ARHGAP11B: variants seen among roughly 807,000 people sequenced by gnomAD.
ARHGAP11B encodes Rho GTPase activating protein 11B.
A neutral mutation model predicts 27.6 loss-of-function variants in ARHGAP11B; 14 were observed. That is an observed-to-expected ratio of 0.51 (90% CI 0.34 to 0.79). ARHGAP11B has a LOEUF of 0.79. Ranked by LOEUF, ARHGAP11B falls within the 30% of genes least tolerant of loss-of-function variation. The pLI, the probability that ARHGAP11B is intolerant of heterozygous loss-of-function variation, is 0.02. For missense variants in ARHGAP11B, 245 were observed against 320.1 expected, an observed-to-expected ratio of 0.77 and a Z score of 1.79; for synonymous variants, 82 against 114.1, an observed-to-expected ratio of 0.72 and a Z score of 1.80.
At chr15:30,646,953 G>C (rs929751789) in intron 9 of ARHGAP11B, among the ~76,000 whole-genome samples, 1 of 151,930 alleles carries the variant, frequency 6.6e-6, no homozygotes, top group Non-Finnish European at 1.5e-5. Context: ...TGGGCAAAAA[G>C]AGCGAAACTC....
In ARHGAP11B at chr15:30,643,702, T is replaced by C. The variant is rs2648145; in HGVS notation, c.*79-937T>C. Among the ~76,000 whole-genome samples the C allele has an allele frequency of 4.6e-5, 7 of 152,054 alleles. 1 individual carries two copies. Among genetic ancestry groups the C allele is most frequent in the South Asian group, 2.1e-4 (1 of 4,828 alleles). On this transcript the variant is annotated intron_variant, in intron 7 of 10. Coordinates refer to ENST00000428041, the Ensembl canonical transcript of ARHGAP11B. ...AGGTTTGTCTAAGGGTTTCTCATGA[T>C]TAGAATGAGATTATGAATTTGGATT...
intron 1 of ARHGAP11B, among the ~76,000 whole-genome samples, chr15:30,629,553 A>C (rs2060231494): frequency 6.6e-6 from 1 of 151,874 alleles, no homozygotes; most frequent in Admixed American, 6.6e-5. Context: ...ACTCCGTCTC[A>C]AAAAAAATAC....
intron 1 of ARHGAP11B, among the ~76,000 whole-genome samples, chr15:30,629,924 C>A (rs1035572819): frequency 3.9e-5 from 6 of 152,026 alleles, no homozygotes; most frequent in African/African-American, 1.4e-4. Flanking sequence ...CTGTGGAAAG[C>A]GACACATTTT....
Position 30,635,474 on chromosome 15 carries a change from C to T in ARHGAP11B, c.661-13C>T. 3 of 1,611,232 alleles carry T rather than the reference C, an allele frequency of 1.9e-6. No individual in the cohort carries two copies. The South Asian group carries it at 3.3e-5, about 18-fold the overall frequency. ...GGATAATAATTGTCTTACTTGTGAACATTTTCATTTAGGGCGTGTACCAGA... is the reference window on the plus strand; with the variant it reads ...GGATAATAATTGTCTTACTTGTGAATATTTTCATTTAGGGCGTGTACCAGA... On this transcript the variant is annotated splice_polypyrimidine_tract_variant and intron_variant, in intron 5 of 10. Coordinates refer to ENST00000428041, the Ensembl canonical transcript of ARHGAP11B.
rs928301105 is a variant in ARHGAP11B at position 30,636,297 on chromosome 15, G to A, written c.*3+664G>A. Among the ~76,000 whole-genome samples the A allele has an allele frequency of 4.6e-5, 7 of 151,980 alleles. 1 individual carries two copies. The highest frequency in any genetic ancestry group is 1.2e-4 in the African/African-American group (5 of 41,396). On this transcript the variant is annotated intron_variant, in intron 6 of 10. Transcript: ENST00000428041. ...ATTGTTTGAACTTGTTAGTGACATGGATTAGTTAGTTAGGAGTACGAACTA... is the reference window on the plus strand; with the variant it reads ...ATTGTTTGAACTTGTTAGTGACATGAATTAGTTAGTTAGGAGTACGAACTA...
intron 8 of ARHGAP11B, chr15:30,644,708 A>C: frequency 6.4e-7 from 1 of 1,555,044 alleles, no homozygotes; most frequent in Non-Finnish European, 8.8e-7. Context: ...TTCAGGTAGG[A>C]TCATAAAGGA....
exon 4 of ARHGAP11B, chr15:30,634,419 C>T (rs1314022098): frequency 6.2e-7 from 1 of 1,607,368 alleles, no homozygotes; most frequent in Non-Finnish European, 8.5e-7. Context: ...GAATGTTTCT[C>T]TTAGGTAAGT....
At chr15:30,639,109 T>C (rs2140902784) in intron 7 of ARHGAP11B, among the ~76,000 whole-genome samples, 1 of 152,200 alleles carries the variant, frequency 6.6e-6, no homozygotes, top group Non-Finnish European at 1.5e-5. Context: ...CGTGTGAAAA[T>C]AGTTCAACCT....
Position 30,629,508 on chromosome 15 carries a change from G to A in ARHGAP11B, c.130-1195G>A, listed in dbSNP as rs1447384731. Among the ~76,000 whole-genome samples, 6 of 152,162 alleles carry A rather than the reference G, an allele frequency of 3.9e-5. No homozygotes were observed. The East Asian group carries it at 1.2e-3, about 30-fold the overall frequency. ...GCGGAGCTTGCAGTGAGCCGAGATT[G>A]TGCCACTGCACTCCAGCCTGGGCCA... On this transcript the variant is annotated intron_variant, in intron 1 of 10. Transcript: ENST00000428041.
chr15:30,626,994 C>T (rs766049688), intron 1 of ARHGAP11B, 45 bp downstream of exon 1: 12 of 1,608,964 alleles, frequency 7.5e-6, no homozygotes, highest in Admixed American at 3.4e-5. Flanking sequence ...AAAGGGCACA[C>T]CCTTTATCAT....
At chr15:30,641,284 T>C (rs547679585) in intron 7 of ARHGAP11B, among the ~76,000 whole-genome samples, 6 of 151,942 alleles carry the variant, frequency 3.9e-5, no homozygotes, top group Non-Finnish European at 7.4e-5. Context: ...CTTTTAAAAA[T>C]ATATAAAGAC....
At position 30,634,262 on chromosome 15, in the gene ARHGAP11B, G is replaced by A. The variant is rs751142575; in HGVS notation, c.390G>A (p.Glu130=). ...AGCAGTTTTTTAGGGAACTGCCAGA[G>A]CCCATTCTCCCAGCTGATTTGCATG... The change falls in exon 4 of 11, where the codon GAG becomes GAA. Residue 130 remains glutamate, a synonymous_variant. Transcript: ENST00000428041. The A allele has an allele frequency of 1.6e-5, 25 of 1,612,740 alleles. 1 individual carries two copies. The East Asian group carries it at 5.4e-4, about 35-fold the overall frequency.
rs1006544613 is a variant in ARHGAP11B at position 30,646,288 on chromosome 15, C to T, written c.*317C>T. 6 of 942,058 alleles carry T rather than the reference C, an allele frequency of 6.4e-6. No homozygotes were observed. In the Admixed American group the frequency reaches 2.0e-4, roughly 31 times the overall value. The allele number at this position is 942,058 out of a possible 1,614,324, so 58.4% of individuals were successfully genotyped here. Reference sequence around the variant, plus strand: ...GAGGTGGCCACCAGGCTTCTCCTTTCCCCGCTGGTAGGCCTCTGTGACATG... The same window carrying T: ...GAGGTGGCCACCAGGCTTCTCCTTTTCCCGCTGGTAGGCCTCTGTGACATG... On this transcript the variant is annotated 3_prime_UTR_variant, in exon 9 of 11. Transcript: ENST00000428041.
At chr15:30,631,368 T>TAAA (rs1361847333) in intron 2 of ARHGAP11B, among the ~76,000 whole-genome samples, 1 of 151,960 alleles carries the variant, frequency 6.6e-6, no homozygotes, top group Non-Finnish European at 1.5e-5. Context: ...TTTTGTTTGT[T>TAAA]AAAAAAATAT....
rs144751048 is a variant in ARHGAP11B at position 30,626,888 on chromosome 15, T to A, written c.68T>A (p.Val23Glu). 1.8e-4 allele frequency: 291 copies of A among 1,613,168 alleles called. 1 individual carries two copies. The African/African-American group carries it at 3.4e-3, about 19-fold the overall frequency. ...CTGCGGGCCTTCTATGGTATTAAGG[T>A]GAAGGGTGTCCGTGGGCAGTGCGAT... Residue 23 changes from valine to glutamate, a missense_variant, in exon 1 of 11, where the codon GTG (valine) becomes GAG (glutamate). Transcript: ENST00000428041.
intron 7 of ARHGAP11B, among the ~76,000 whole-genome samples, chr15:30,639,758 A>G (rs1052172827): frequency 3.9e-5 from 6 of 152,042 alleles, no homozygotes; most frequent in African/African-American, 1.4e-4. Context: ...TTGCCAAGTA[A>G]TCTCTTCAAT....
chr15:30,646,406 T>C (rs879065893), intron 9 of ARHGAP11B: 1 of 181,408 alleles, frequency 5.5e-6, no homozygotes, highest in African/African-American at 2.4e-5. Flanking sequence ...TGATTTATCA[T>C]GATTTTAGGT....
intron 1 of ARHGAP11B, 35 bp downstream of exon 1, chr15:30,626,984 A>G (rs1304187194): frequency 6.2e-7 from 1 of 1,610,350 alleles, no homozygotes; most frequent in Admixed American, 1.7e-5. Context: ...GGTTTAAAAG[A>G]AAGGGCACAC....
At chr15:30,629,563 C>G (rs2060231610) in intron 1 of ARHGAP11B, among the ~76,000 whole-genome samples, 1 of 151,952 alleles carries the variant, frequency 6.6e-6, no homozygotes, top group African/African-American at 2.4e-5. Flanking sequence ...AAAAAAAATA[C>G]ACCTGTCATT....
Sources: gnomAD v4.1 joint callset for allele counts (sites outside exome capture counted in the v4.1 genomes callset) on GRCh38, gnomAD v4.1.1 for gene constraint, MANE v1.5 for transcripts, NCBI Gene and HGNC (gene_info 2026-07-23, HGNC 2026-07-21) for gene names.